Variants in PRKN observed in about 807,000 individuals in gnomAD.
PRKN encodes the protein parkin RBR E3 ubiquitin protein ligase, also known as E3 ubiquitin-protein ligase parkin.
In PRKN, 56 loss-of-function variants were observed where a neutral mutation model predicts 59.5. The observed-to-expected ratio is 0.94, with a 90% CI of 0.76 to 1.18. PRKN has a LOEUF of 1.18. Among genes scored for constraint, PRKN ranks in the 50% most tolerant of loss-of-function variants. PRKN has a pLI of 0.00. For synonymous variants in PRKN, 250 were observed against 222.1 expected (o/e 1.13, Z -1.12); for missense variants, 657 against 596.4 (o/e 1.10, Z -1.06).
At chr6:162,246,410 C>T (rs946843238) in intron 3 of PRKN, among the ~76,000 whole-genome samples, 4 of 151,990 alleles carry the variant, frequency 2.6e-5, no homozygotes, top group Non-Finnish European at 5.9e-5. Context: ...CCTCCAGAAC[C>T]ACAAAAAATA....
At chr6:162,151,770 T>G (rs1186151105) in intron 4 of PRKN, among the ~76,000 whole-genome samples, 1 of 152,160 alleles carries the variant, frequency 6.6e-6, no homozygotes, top group South Asian at 2.1e-4. Context: ...GTTATAAAGA[T>G]AAAAATATCT....
intron 7 of PRKN, among the ~76,000 whole-genome samples, chr6:161,648,847 T>G (rs1486591962): frequency 6.6e-6 from 1 of 152,152 alleles, no homozygotes; most frequent in Admixed American, 6.5e-5. Flanking sequence ...GAGTCAACCA[T>G]GAACTTGGAA....
rs1473265658 is a variant in PRKN at position 162,010,614 on chromosome 6, A to G, written c.619-37197T>C. On this transcript the variant is annotated intron_variant, in intron 5 of 11. Transcript: ENST00000366898. ...TATAATATAATATATATTATATAAT[A>G]TATTATATTATATATAATATATTAT... Among the ~76,000 whole-genome samples the G allele has an allele frequency of 2.6e-3, 26 of 9,894 alleles. 6 individuals carry two copies. Among genetic ancestry groups the G allele is most frequent in the South Asian group, 0.015 (4 of 268 alleles). The allele number at this position is 9,894 out of a possible 152,430, so 6.5% of individuals were successfully genotyped here.
intron 6 of PRKN, among the ~76,000 whole-genome samples, chr6:161,913,007 T>C (rs1471539025): frequency 6.6e-6 from 1 of 151,624 alleles, no homozygotes; most frequent in African/African-American, 2.4e-5. Flanking sequence ...TGAAACCCCA[T>C]CTCTACTAAA....
At chr6:162,006,495 T>C (rs1047520562) in intron 5 of PRKN, among the ~76,000 whole-genome samples, 3 of 152,170 alleles carry the variant, frequency 2.0e-5, no homozygotes, top group Admixed American at 6.5e-5. Context: ...TCCATTCCAC[T>C]TGGAAAACAC....
chr6:162,138,565 A>G (rs1781643600), intron 4 of PRKN, among the ~76,000 whole-genome samples: 1 of 152,192 alleles, frequency 6.6e-6, no homozygotes, highest in Non-Finnish European at 1.5e-5. Context: ...AAATCAATCA[A>G]TTAAAAAAGA....
At chr6:162,430,112 G>C (rs1789436283) in intron 2 of PRKN, among the ~76,000 whole-genome samples, 1 of 152,048 alleles carries the variant, frequency 6.6e-6, no homozygotes, top group South Asian at 2.1e-4. Context: ...CAGCCTAGGG[G>C]AGCAGACAGT....
intron 2 of PRKN, among the ~76,000 whole-genome samples, chr6:162,337,822 A>C (rs993634639): frequency 6.6e-6 from 1 of 152,178 alleles, no homozygotes; most frequent in Non-Finnish European, 1.5e-5. Context: ...CGCTGAAGAG[A>C]CTGATGTTAA....
At chr6:161,697,181 AG>A (rs1375649775) in intron 7 of PRKN, among the ~76,000 whole-genome samples, 5 of 152,212 alleles carry the variant, frequency 3.3e-5, no homozygotes, top group Non-Finnish European at 4.4e-5. Context: ...ATCTGAAATA[AG>A]GAAACTATAA....
intron 1 of PRKN, among the ~76,000 whole-genome samples, chr6:162,472,368 A>G (rs191999741): frequency 8.0e-6 from 1 of 125,462 alleles, no homozygotes; most frequent in Admixed American, 9.4e-5. Flanking sequence ...CCCCACCCCA[A>G]GACAGGTGTG....
intron 2 of PRKN, among the ~76,000 whole-genome samples, chr6:162,324,509 A>G (rs1170425746): frequency 6.6e-6 from 1 of 152,168 alleles, no homozygotes; most frequent in Non-Finnish European, 1.5e-5. Flanking sequence ...AAGTAAATGC[A>G]TTAGAATACA....
chr6:162,421,926 T>C (rs1365096896), intron 2 of PRKN, among the ~76,000 whole-genome samples: 1 of 152,194 alleles, frequency 6.6e-6, no homozygotes, highest in African/African-American at 2.4e-5. Flanking sequence ...TTTATCTAAA[T>C]AAGTTAAATA....
At chr6:161,641,736 T>C (rs1052317829) in intron 7 of PRKN, among the ~76,000 whole-genome samples, 1 of 152,226 alleles carries the variant, frequency 6.6e-6, no homozygotes, top group African/African-American at 2.4e-5. Context: ...TTGCATCATA[T>C]TCAGAATACT....
chr6:162,285,105 C>T (rs4708949), intron 2 of PRKN, among the ~76,000 whole-genome samples: 11,645 of 152,050 alleles, frequency 0.077, 643 homozygotes, highest in South Asian at 0.24. Context: ...CTACTGACAC[C>T]TTGACTTTGG....
chr6:161,897,057 T>C (rs549315085), intron 6 of PRKN, among the ~76,000 whole-genome samples: 6 of 152,312 alleles, frequency 3.9e-5, no homozygotes, highest in African/African-American at 1.4e-4. Flanking sequence ...CCTAGTATCT[T>C]CTAACTTTCT....
chr6:162,066,007 T>C (rs753175191), intron 4 of PRKN, among the ~76,000 whole-genome samples: 1 of 152,174 alleles, frequency 6.6e-6, no homozygotes, highest in Non-Finnish European at 1.5e-5. Flanking sequence ...TCTTTGCTAT[T>C]GTGAATAGTG....
At chr6:162,495,638 A>C (rs867322847) in intron 1 of PRKN, among the ~76,000 whole-genome samples, 26 of 152,328 alleles carry the variant, frequency 1.7e-4, no homozygotes, top group Admixed American at 4.6e-4. Context: ...CTTGGTCCTC[A>C]GAGCCATGAG....
intron 2 of PRKN, among the ~76,000 whole-genome samples, chr6:162,420,447 T>A (rs1325255355): frequency 6.6e-6 from 1 of 152,182 alleles, no homozygotes; most frequent in African/African-American, 2.4e-5. Flanking sequence ...CATCTGAGCA[T>A]GCATAACAGT....
At chr6:162,239,188 T>A (rs1778878684) in intron 3 of PRKN, among the ~76,000 whole-genome samples, 1 of 152,082 alleles carries the variant, frequency 6.6e-6, no homozygotes, top group African/African-American at 2.4e-5. Flanking sequence ...GGCAAGCTCA[T>A]CTCCTGGAAA....
Sources: gnomAD v4.1 joint callset for allele counts (sites outside exome capture counted in the v4.1 genomes callset) on GRCh38, gnomAD v4.1.1 for gene constraint, MANE v1.5 for transcripts, NCBI Gene and HGNC (gene_info 2026-07-23, HGNC 2026-07-21) for gene names.